RARB: variants seen among roughly 807,000 people sequenced by gnomAD.
The protein encoded by RARB is HBV-activated protein.
Under a neutral mutation model 51.9 loss-of-function variants are expected in RARB, and 17 were observed. The ratio of observed to expected loss-of-function variants is 0.33; its 90% confidence interval spans 0.22 to 0.49. The LOEUF (loss-of-function observed/expected upper bound fraction) is 0.49, where lower values mean the gene tolerates loss of function less well. Ranked by LOEUF, RARB falls within the 20% of genes least tolerant of loss-of-function variation. The pLI is 0.99. For missense variants in RARB, 369 were observed against 550.8 expected (o/e 0.67, Z 3.30); for synonymous variants, 215 against 195.4 (o/e 1.10, Z -0.84).
chr3:24,977,967 CT>C (rs1439600618), intron 2 of RARB, among the ~76,000 whole-genome samples: 5 of 152,054 alleles, frequency 3.3e-5, no homozygotes, highest in Non-Finnish European at 1.5e-5. Context: ...GCATGAAGTG[CT>C]GTTGAATTTT....
chr3:25,299,755 CAAAA>C (rs748054341), intron 5 of RARB, among the ~76,000 whole-genome samples: 34 of 146,314 alleles, frequency 2.3e-4, no homozygotes, highest in South Asian at 6.6e-4. Flanking sequence ...TCTGTGGCAC[CAAAA>C]AAAATAAATA....
chr3:25,089,305 A>G (rs955574206), intron 3 of RARB, among the ~76,000 whole-genome samples: 2 of 152,130 alleles, frequency 1.3e-5, no homozygotes, highest in African/African-American at 4.8e-5. Context: ...TAATGCCAAG[A>G]CCAGAGTAAT....
intron 3 of RARB, among the ~76,000 whole-genome samples, chr3:25,084,546 C>G (rs906131549): frequency 7.1e-4 from 2 of 2,812 alleles, no homozygotes; most frequent in Non-Finnish European, 1.3e-3. Flanking sequence ...ATCATTAATC[C>G]CTTCTCTATG....
At chr3:24,930,206 A>AGCT (rs533071501) in intron 2 of RARB, among the ~76,000 whole-genome samples, 1 of 152,224 alleles carries the variant, frequency 6.6e-6, no homozygotes, top group Non-Finnish European at 1.5e-5. Flanking sequence ...TTAATACAAC[A>AGCT]GCTGTCTGAT....
chr3:25,383,103 T>G (rs747244820), intron 5 of RARB, among the ~76,000 whole-genome samples: 1 of 152,174 alleles, frequency 6.6e-6, no homozygotes, highest in Non-Finnish European at 1.5e-5. Context: ...CAAATTCCTG[T>G]GTTTGATCAG....
At chr3:24,981,407 T>G (rs954520873) in intron 2 of RARB, among the ~76,000 whole-genome samples, 4 of 152,180 alleles carry the variant, frequency 2.6e-5, no homozygotes, top group African/African-American at 9.6e-5. Context: ...TAGGCCTTGT[T>G]GAGCTGCAGT....
chr3:25,504,725 T>C (rs953519139), intron 3 of RARB, among the ~76,000 whole-genome samples: 163 of 151,432 alleles, frequency 1.1e-3, no homozygotes, highest in African/African-American at 3.8e-3. Context: ...TAGTAATAGC[T>C]AACTGGACAG....
At chr3:25,484,919 T>G (rs1351586642) in intron 2 of RARB, among the ~76,000 whole-genome samples, 1 of 152,190 alleles carries the variant, frequency 6.6e-6, no homozygotes, top group African/African-American at 2.4e-5. Context: ...ACTTTTCATT[T>G]TTGAAAGCTG....
intron 5 of RARB, among the ~76,000 whole-genome samples, chr3:25,591,471 C>T (rs185464531): frequency 2.4e-4 from 37 of 152,200 alleles, no homozygotes; most frequent in Non-Finnish European, 4.4e-4. Flanking sequence ...TGACTATTGG[C>T]GTGGAGAGAA....
At chr3:25,137,748 C>T (rs1700053319) in intron 4 of RARB, among the ~76,000 whole-genome samples, 1 of 152,078 alleles carries the variant, frequency 6.6e-6, no homozygotes, top group South Asian at 2.1e-4. Flanking sequence ...AAGCCATATA[C>T]TTACCCTGAG....
At chr3:24,982,826 G>T (rs1696706690) in intron 2 of RARB, among the ~76,000 whole-genome samples, 1 of 152,120 alleles carries the variant, frequency 6.6e-6, no homozygotes, top group South Asian at 2.1e-4. Flanking sequence ...AACTCCAGAA[G>T]CATTTAGTCA....
At chr3:25,501,156 T>A in intron 2 of RARB, 26 bp from the exon 3 acceptor site, 2 of 1,561,898 alleles carry the variant, frequency 1.3e-6, no homozygotes, top group Non-Finnish European at 1.7e-6. Context: ...TTTACTGAGT[T>A]TTTTCATCTT....
chr3:25,126,907 A>G (rs898696411), intron 3 of RARB, among the ~76,000 whole-genome samples: 4 of 151,926 alleles, frequency 2.6e-5, no homozygotes, highest in African/African-American at 9.7e-5. Flanking sequence ...CATCCTTGAT[A>G]TTCCCTCTCC....
intron 5 of RARB, among the ~76,000 whole-genome samples, chr3:25,357,932 C>CAGGT (rs1186711737): frequency 6.6e-6 from 1 of 152,122 alleles, no homozygotes; most frequent in Admixed American, 6.6e-5. Flanking sequence ...AGTTTGAAGT[C>CAGGT]AGGTAGCATG....
chr3:25,026,805 G>C (rs1019992858), intron 2 of RARB, among the ~76,000 whole-genome samples: 2 of 152,110 alleles, frequency 1.3e-5, no homozygotes, highest in Non-Finnish European at 2.9e-5. Flanking sequence ...CTAATTTCAG[G>C]TTACCCCAAC....
At chr3:25,218,336 C>G (rs1701877871) in intron 5 of RARB, among the ~76,000 whole-genome samples, 1 of 151,992 alleles carries the variant, frequency 6.6e-6, no homozygotes. Context: ...TATCCGCCCC[C>G]TAGGTTACTT....
intron 3 of RARB, among the ~76,000 whole-genome samples, chr3:25,125,263 A>G (rs1277206055): frequency 1.3e-5 from 2 of 152,220 alleles, no homozygotes; most frequent in African/African-American, 4.8e-5. Flanking sequence ...GGAGCAGAGA[A>G]AAGATTTTGA....
chr3:24,996,464 C>T (rs1055745219), intron 2 of RARB, among the ~76,000 whole-genome samples: 1 of 151,846 alleles, frequency 6.6e-6, no homozygotes, highest in Non-Finnish European at 1.5e-5. Flanking sequence ...CTGTTTACTT[C>T]TGTTCTGATT....
At chr3:25,135,768 G>C (rs565610262) in intron 4 of RARB, among the ~76,000 whole-genome samples, 4 of 151,966 alleles carry the variant, frequency 2.6e-5, no homozygotes, top group South Asian at 4.2e-4. Flanking sequence ...AAGTAAAACA[G>C]AAAAAGTAGT....
Sources: allele counts gnomAD v4.1 joint callset (sites outside exome capture counted in the v4.1 genomes callset), GRCh38; gene constraint gnomAD v4.1.1; transcripts MANE v1.5; gene names NCBI Gene and HGNC (gene_info 2026-07-23, HGNC 2026-07-21).